Variants in ZNF365 observed in about 807,000 individuals in gnomAD.
ZNF365 encodes zinc finger protein 365, also known as protein ZNF365.
ZNF365 carries 22 observed loss-of-function variants against 35.0 expected under a neutral mutation model. That is an observed-to-expected ratio of 0.63 (90% CI 0.45 to 0.90). ZNF365 has a LOEUF of 0.90. ZNF365 is among the 40% of genes least tolerant of loss of function. The pLI is 0.00. For synonymous variants in ZNF365, 188 were observed against 196.2 expected (o/e 0.96, Z 0.35); for missense variants, 448 against 500.3 (o/e 0.90, Z 1.00).
chr10:62,416,256 A>AG (rs1431036098), intron 3 of ZNF365, among the ~76,000 whole-genome samples: 1 of 152,018 alleles, frequency 6.6e-6, no homozygotes, highest in Non-Finnish European at 1.5e-5. Flanking sequence ...AAAAAAAAAA[A>AG]CGATGAAACT....
At chr10:62,379,708 G>A (rs1486783266) in intron 2 of ZNF365, among the ~76,000 whole-genome samples, 13 of 152,134 alleles carry the variant, frequency 8.5e-5, no homozygotes, top group Admixed American at 8.5e-4. Context: ...TGTTAATACT[G>A]GGTTGATTTG....
intron 4 of ZNF365, among the ~76,000 whole-genome samples, chr10:62,470,560 G>A (rs867180549): frequency 1.3e-5 from 2 of 152,136 alleles, no homozygotes; most frequent in South Asian, 2.1e-4. Context: ...ATAAATTTAG[G>A]TTAGATACAA....
intron 3 of ZNF365, among the ~76,000 whole-genome samples, chr10:62,442,142 T>C (rs1840511725): frequency 6.6e-6 from 1 of 152,190 alleles, no homozygotes; most frequent in East Asian, 1.9e-4. Flanking sequence ...GAGCCTTATA[T>C]GGAAACAGAG....
At chr10:62,378,536 A>G (rs1241287587) in intron 2 of ZNF365, among the ~76,000 whole-genome samples, 1 of 152,208 alleles carries the variant, frequency 6.6e-6, no homozygotes, top group Non-Finnish European at 1.5e-5. Flanking sequence ...CCACCTGAGC[A>G]CCAACTGAAA....
intron 3 of ZNF365, among the ~76,000 whole-genome samples, chr10:62,436,784 T>C (rs576628573): frequency 4.3e-4 from 66 of 152,318 alleles, no homozygotes; most frequent in African/African-American, 1.3e-3. Flanking sequence ...GCTGGTAACA[T>C]TGTGCCAGGA....
chr10:62,471,175 G>A (rs760237529), intron 4 of ZNF365, among the ~76,000 whole-genome samples: 11 of 151,900 alleles, frequency 7.2e-5, no homozygotes, highest in Non-Finnish European at 1.6e-4. Context: ...GATCATCCTG[G>A]CTAACATGGT....
chr10:62,407,342 A>G (rs1037374344), downstream of ZNF365, among the ~76,000 whole-genome samples: 1 of 152,152 alleles, frequency 6.6e-6, no homozygotes, highest in Non-Finnish European at 1.5e-5. Context: ...TAAAAACTCA[A>G]ACACTACAAA....
intron 4 of ZNF365, among the ~76,000 whole-genome samples, chr10:62,460,502 C>G (rs985720469): frequency 6.6e-6 from 1 of 151,860 alleles, no homozygotes; most frequent in African/African-American, 2.4e-5. Flanking sequence ...TCAGCGTGGT[C>G]TCTCTCTCTC....
chr10:62,389,201 AG>A (rs1459020595), intron 3 of ZNF365, among the ~76,000 whole-genome samples: 1 of 131,470 alleles, frequency 7.6e-6, no homozygotes, highest in Admixed American at 9.4e-5. Context: ...AGGTTCTCAT[AG>A]GGGGCTTGAT....
chr10:62,382,555 T>C (rs1199170373), intron 2 of ZNF365, among the ~76,000 whole-genome samples: 1 of 152,220 alleles, frequency 6.6e-6, no homozygotes, highest in African/African-American at 2.4e-5. Flanking sequence ...ATCCCCACTC[T>C]AGGCCCTTGG....
intron 3 of ZNF365, among the ~76,000 whole-genome samples, chr10:62,391,279 A>C (rs1008429147): frequency 1.3e-5 from 2 of 152,178 alleles, no homozygotes; most frequent in Non-Finnish European, 2.9e-5. Flanking sequence ...GTGTTTGGTT[A>C]CATGAATAAG....
intron 4 of ZNF365, among the ~76,000 whole-genome samples, chr10:62,466,150 C>T (rs917663844): frequency 7.2e-5 from 11 of 152,182 alleles, no homozygotes; most frequent in Admixed American, 3.3e-4. Context: ...TTCTGGAAGC[C>T]CAGACCTTGG....
rs368233330 is a variant in ZNF365, at chr10:62,458,143, A to G, written c.925-1598A>G. Among the ~76,000 whole-genome samples the G allele has an allele frequency of 1.6e-4, 24 of 152,100 alleles. No individual in the cohort carries two copies. The East Asian group carries it at 3.9e-3, about 24-fold the overall frequency. On this transcript the variant is annotated intron_variant, in intron 3 of 4. Transcript: ENST00000395255. ...TTCTCTGGTCAACCTTCTGTTAATCACTTGGTTTTTGCTCCTCTTTCCATT... is the reference window on the plus strand; with the variant it reads ...TTCTCTGGTCAACCTTCTGTTAATCGCTTGGTTTTTGCTCCTCTTTCCATT...
intron 3 of ZNF365, among the ~76,000 whole-genome samples, chr10:62,419,422 C>T (rs1840131224): frequency 6.6e-6 from 1 of 150,450 alleles, no homozygotes; most frequent in African/African-American, 2.5e-5. Context: ...GGACAGCTAT[C>T]TAGAAGACTT....
At chr10:62,409,425 G>A (rs548233213) in intron 3 of ZNF365, among the ~76,000 whole-genome samples, 10 of 152,078 alleles carry the variant, frequency 6.6e-5, no homozygotes, top group African/African-American at 2.4e-5. Flanking sequence ...CTAACGAATC[G>A]CTAGAATCCG....
intron 3 of ZNF365, among the ~76,000 whole-genome samples, chr10:62,449,974 G>A (rs1840652718): frequency 6.6e-6 from 1 of 152,092 alleles, no homozygotes; most frequent in Non-Finnish European, 1.5e-5. Flanking sequence ...TCAAATGTAA[G>A]CACAGAAAAG....
intron 3 of ZNF365, among the ~76,000 whole-genome samples, chr10:62,454,557 G>A (rs1220137517): frequency 6.6e-6 from 1 of 151,886 alleles, no homozygotes; most frequent in Admixed American, 6.6e-5. Context: ...GAAAGCTTGA[G>A]AACCTCTAAT....
At chr10:62,399,059 G>A (rs1839779181) in intron 4 of ZNF365, among the ~76,000 whole-genome samples, 1 of 152,162 alleles carries the variant, frequency 6.6e-6, no homozygotes, top group Admixed American at 6.5e-5. Flanking sequence ...GAGGTATAGT[G>A]TGGTCATAAT....
rs1365932581 is a variant in ZNF365 at position 62,374,475 on chromosome 10, G to C, written c.-14+17G>C. On this transcript the variant is annotated intron_variant, in intron 1 of 4. Coordinates refer to ENST00000395254, the MANE Select transcript of ZNF365 (RefSeq NM_014951.3). ...ACAAGTCGGGTAAGAGGCGGCCGCC[G>C]GCCATCTGCGCCCGCGGCTCGGCGG... 1 of 152,344 alleles carries C rather than the reference G, an allele frequency of 6.6e-6. No individual in the cohort carries two copies. The highest frequency in any genetic ancestry group is 1.5e-5 in the Non-Finnish European group (1 of 68,162). The allele number at this position is 152,344 out of a possible 1,614,324, so 9.4% of individuals were successfully genotyped here.
Sources: allele counts gnomAD v4.1 joint callset (sites outside exome capture counted in the v4.1 genomes callset), GRCh38; gene constraint gnomAD v4.1.1; transcripts MANE v1.5; gene names NCBI Gene and HGNC (gene_info 2026-07-23, HGNC 2026-07-21).